SAMTOR: variants seen among roughly 807,000 people sequenced by gnomAD.
The protein encoded by SAMTOR is S-adenosylmethionine sensor upstream of mTORC1.
the SAMTOR span, among the ~76,000 whole-genome samples, chr7:112,926,705 C>T: frequency 6.6e-6 from 1 of 151,982 alleles, no homozygotes; most frequent in East Asian, 1.9e-4. Flanking sequence ...TAAAAATACT[C>T]CATATTAAAT....
chr7:112,936,167 T>C, the SAMTOR span, among the ~76,000 whole-genome samples: 10 of 152,234 alleles, frequency 6.6e-5, no homozygotes, highest in Admixed American at 6.5e-4. Context: ...ATTCACTAGA[T>C]AGTGAAAAAC....
the SAMTOR span, among the ~76,000 whole-genome samples, chr7:112,881,175 T>A: frequency 8.5e-5 from 13 of 152,198 alleles, no homozygotes; most frequent in Non-Finnish European, 1.5e-4. Flanking sequence ...TATGCATGTA[T>A]AGTGCTGACA....
At chr7:112,939,830 G>A in the SAMTOR span, 4 of 1,139,898 alleles carry the variant, frequency 3.5e-6, no homozygotes, top group South Asian at 5.7e-5. Context: ...TAGGAGGAGG[G>A]AGCTGCGGAG....
At chr7:112,826,792 T>C in the SAMTOR span, among the ~76,000 whole-genome samples, 1 of 152,190 alleles carries the variant, frequency 6.6e-6, no homozygotes, top group African/African-American at 2.4e-5. Context: ...CATCTATGCA[T>C]TTTGATATCT....
the SAMTOR span, chr7:112,822,523 T>A: frequency 1.5e-6 from 1 of 660,732 alleles, no homozygotes; most frequent in Non-Finnish European, 2.4e-6. Flanking sequence ...TGAACAGATG[T>A]ATTCAACCAC....
chr7:112,910,161 C>CA, the SAMTOR span, among the ~76,000 whole-genome samples: 1 of 151,310 alleles, frequency 6.6e-6, no homozygotes, highest in Admixed American at 6.6e-5. Context: ...CCCCACCCCC[C>CA]AAAAAAAGAC....
At chr7:112,882,766 T>TTAAAAAAAA in the SAMTOR span, among the ~76,000 whole-genome samples, 3 of 120,672 alleles carry the variant, frequency 2.5e-5, no homozygotes, top group African/African-American at 3.0e-5. Context: ...CATCTTTTTT[T>TTAAAAAAAA]AAAAAAAAAA....
the SAMTOR span, among the ~76,000 whole-genome samples, chr7:112,885,574 T>C: frequency 1.3e-5 from 2 of 152,102 alleles, no homozygotes; most frequent in East Asian, 3.9e-4. Flanking sequence ...TCCCAACTAG[T>C]TCCCCATCTC....
the SAMTOR span, among the ~76,000 whole-genome samples, chr7:112,887,893 C>T: frequency 6.6e-6 from 1 of 151,928 alleles, no homozygotes; most frequent in South Asian, 2.1e-4. Context: ...TCAAATGAAA[C>T]CTTTTGGTTT....
chr7:112,881,178 T>A, the SAMTOR span, among the ~76,000 whole-genome samples: 1 of 152,162 alleles, frequency 6.6e-6, no homozygotes, highest in Non-Finnish European at 1.5e-5. Context: ...GCATGTATAG[T>A]GCTGACACTC....
the SAMTOR span, among the ~76,000 whole-genome samples, chr7:112,828,664 T>G: frequency 6.6e-6 from 1 of 152,156 alleles, no homozygotes; most frequent in Non-Finnish European, 1.5e-5. Flanking sequence ...TTTAAAGAGT[T>G]TAAACAACAA....
chr7:112,939,580 G>C, the SAMTOR span: 1 of 1,613,924 alleles, frequency 6.2e-7, no homozygotes, highest in Non-Finnish European at 8.5e-7. Context: ...CTCACTCAGC[G>C]CGCTGTTTAC....
the SAMTOR span, among the ~76,000 whole-genome samples, chr7:112,938,585 A>C: frequency 1.3e-5 from 2 of 152,218 alleles, no homozygotes; most frequent in Admixed American, 1.3e-4. Context: ...AAGGCTGCTG[A>C]CTTTTCAGTT....
chr7:112,885,644 T>C, the SAMTOR span, among the ~76,000 whole-genome samples: 1 of 152,216 alleles, frequency 6.6e-6, no homozygotes, highest in Admixed American at 6.5e-5. Flanking sequence ...ACCAGCATTT[T>C]GGTCAAAACC....
the SAMTOR span, among the ~76,000 whole-genome samples, chr7:112,873,745 C>T: frequency 4.0e-5 from 6 of 151,738 alleles, no homozygotes; most frequent in Admixed American, 1.3e-4. Flanking sequence ...GCTTCTGCAC[C>T]GCAAAAGAAA....
At chr7:112,848,485 A>G in the SAMTOR span, among the ~76,000 whole-genome samples, 4 of 152,166 alleles carry the variant, frequency 2.6e-5, no homozygotes, top group African/African-American at 9.7e-5. Flanking sequence ...AAACAGTGCA[A>G]TGTTTGCATT....
the SAMTOR span, among the ~76,000 whole-genome samples, chr7:112,867,837 T>C: frequency 4.1e-4 from 63 of 152,350 alleles, no homozygotes; most frequent in African/African-American, 1.4e-3. Context: ...CCCCAACCTC[T>C]GGGCTGCAAA....
chr7:112,912,217 T>G, the SAMTOR span, among the ~76,000 whole-genome samples: 1 of 152,028 alleles, frequency 6.6e-6, no homozygotes, highest in Non-Finnish European at 1.5e-5. Context: ...TAAAATGTAA[T>G]GTTATCTGTA....
chr7:112,864,446 T>C, the SAMTOR span, among the ~76,000 whole-genome samples: 1 of 152,202 alleles, frequency 6.6e-6, no homozygotes, highest in Non-Finnish European at 1.5e-5. Context: ...TAAAGTTTAA[T>C]GATAGGATAC....
Sources: gnomAD v4.1 joint callset for allele counts (sites outside exome capture counted in the v4.1 genomes callset) on GRCh38, gnomAD v4.1.1 for gene constraint, MANE v1.5 for transcripts, NCBI Gene and HGNC (gene_info 2026-07-23, HGNC 2026-07-21) for gene names.